MYH15: variants seen among roughly 807,000 people sequenced by gnomAD.
MYH15 encodes myosin-15.
A neutral mutation model predicts 240.5 loss-of-function variants in MYH15; 227 were observed. That is an observed-to-expected ratio of 0.94 (90% CI 0.85 to 1.05). The LOEUF (loss-of-function observed/expected upper bound fraction) is 1.05, where lower values mean the gene tolerates loss of function less well. Among genes scored for constraint, MYH15 ranks in the 50% least tolerant of loss-of-function variants. The pLI is 0.00. For missense variants in MYH15, 2,217 were observed against 2,247.5 expected, an observed-to-expected ratio of 0.99 and a Z score of 0.27; for synonymous variants, 785 against 796.7, an observed-to-expected ratio of 0.99 and a Z score of 0.25.
chr3:108,414,321 G>A lies in MYH15; in HGVS notation c.4056C>T (p.Thr1352=), dbSNP rs773274954. Residue 1352 remains threonine, a synonymous_variant, in exon 30 of 41, where the codon ACC becomes ACT. Transcript: ENST00000693548. ...CCATTTCAGCATTGACTTTGGATAAGGTCCGGTGCAGCTCAGCCTTGACCT... is the reference window on the plus strand; with the variant it reads ...CCATTTCAGCATTGACTTTGGATAAAGTCCGGTGCAGCTCAGCCTTGACCT... ...EQEVKAELHR[T]LSKVNAEMVQ... is the part of the protein sequence containing the mutation. 1.2e-6 allele frequency: 2 copies of A among 1,614,098 alleles called. No individual in the cohort carries two copies. The highest frequency in any genetic ancestry group is 2.2e-5 in the East Asian group (1 of 44,884).
At chr3:108,385,973 C>T (rs367753019) in intron 38 of MYH15, among the ~76,000 whole-genome samples, 2 of 152,106 alleles carry the variant, frequency 1.3e-5, no homozygotes, top group African/African-American at 2.4e-5. Flanking sequence ...TAATTTTAAC[C>T]ATCAGGAGGC....
At chr3:108,407,240 T>C (rs567868266) in intron 32 of MYH15, among the ~76,000 whole-genome samples, 4 of 152,344 alleles carry the variant, frequency 2.6e-5, no homozygotes, top group African/African-American at 9.6e-5. Context: ...TAACAGACAA[T>C]GCTTGGCACA....
Position 108,470,686 on chromosome 3 carries a change from A to G in MYH15, c.1383+12T>C. On this transcript the variant is annotated intron_variant, in intron 13 of 40. Transcript: ENST00000693548. ...AATATGCATTGACTTCCTTCTTACC[A>G]GATACACTTACCTCAAGGATTTCAA... 2 of 1,612,900 alleles carry G rather than the reference A, an allele frequency of 1.2e-6. No homozygotes were observed. Among genetic ancestry groups the G allele is most frequent in the Non-Finnish European group, 8.5e-7 (1 of 1,179,426 alleles).
chr3:108,414,929 T>C (rs1450174731), intron 29 of MYH15, among the ~76,000 whole-genome samples: 1 of 152,204 alleles, frequency 6.6e-6, no homozygotes, highest in Non-Finnish European at 1.5e-5. Context: ...CCAACAGAAC[T>C]TTCTGTAATG....
rs770433799 is a variant in MYH15, at chr3:108,398,856, T to A, written c.4930-16A>T. 6.2e-7 allele frequency: 1 copy of A among 1,612,700 alleles called. No homozygotes were observed. Among genetic ancestry groups the A allele is most frequent in the South Asian group, 1.1e-5 (1 of 91,048 alleles). Reference sequence around the variant, plus strand: ...TTTGAAGGTCCTGGGAGAGAAAAGATGGGTCTGGAGTACAGATCCCTCTGA... The same window carrying A: ...TTTGAAGGTCCTGGGAGAGAAAAGAAGGGTCTGGAGTACAGATCCCTCTGA... On this transcript the variant is annotated splice_polypyrimidine_tract_variant and intron_variant, in intron 34 of 40. Coordinates refer to ENST00000693548, the MANE Select transcript of MYH15 (RefSeq NM_014981.3).
At chr3:108,425,177 G>C (rs887445263) in intron 27 of MYH15, among the ~76,000 whole-genome samples, 1 of 152,198 alleles carries the variant, frequency 6.6e-6, no homozygotes, top group Non-Finnish European at 1.5e-5. Flanking sequence ...GGAAAAGGCA[G>C]ATTGGTGTAA....
At chr3:108,405,681 C>G (rs1412969481) in intron 32 of MYH15, among the ~76,000 whole-genome samples, 1 of 152,126 alleles carries the variant, frequency 6.6e-6, no homozygotes, top group Non-Finnish European at 1.5e-5. Flanking sequence ...AGCTCCAGAA[C>G]TAGAATTTTA....
At chr3:108,469,963 A>C (rs2083157084) in intron 14 of MYH15, 79 bp downstream of exon 14, 1 of 1,398,566 alleles carries the variant, frequency 7.2e-7, no homozygotes, top group Admixed American at 2.5e-5. Flanking sequence ...ATAGGGCCTA[A>C]GTCCTGACAT....
Position 108,462,880 on chromosome 3 carries a change from T to C in MYH15, c.1864+231A>G, listed in dbSNP as rs142542509. 6.6e-3 allele frequency among the ~76,000 whole-genome samples: 1,005 copies of C among 152,224 alleles called. 9 individuals carry two copies. The highest frequency in any genetic ancestry group is 0.019 in the African/African-American group (802 of 41,534). ...GTTTTCCCTTTGTAGCTAGGTGAAG[T>C]AGAAGACAAAAGCAGGCCAGGAACA... On this transcript the variant is annotated intron_variant, in intron 16 of 40. Transcript: ENST00000693548.
chr3:108,512,599 A>C (rs190550061), upstream of MYH15, among the ~76,000 whole-genome samples: 1 of 152,334 alleles, frequency 6.6e-6, no homozygotes, highest in East Asian at 1.9e-4. Flanking sequence ...CTGAGTAGTG[A>C]GAGAAGGAGA....
At chr3:108,548,544 C>A in the MYH15 span, among the ~76,000 whole-genome samples, 168 of 152,164 alleles carry the variant, frequency 1.1e-3, 5 homozygotes, top group East Asian at 0.031. Context: ...GTGACAGAAA[C>A]TATGTTCCAG....
chr3:108,493,368 A>T (rs1349256672), intron 7 of MYH15, among the ~76,000 whole-genome samples, 191 bp from the exon 8 acceptor site: 1 of 152,218 alleles, frequency 6.6e-6, no homozygotes, highest in East Asian at 1.9e-4. Context: ...TTGAGATGAG[A>T]CAGCACCAGC....
chr3:108,470,278 TC>T, intron 13 of MYH15, 66 bp from the exon 14 acceptor site: 1 of 1,189,086 alleles, frequency 8.4e-7, no homozygotes, highest in Non-Finnish European at 1.2e-6. Flanking sequence ...TTCAAGAATG[TC>T]CAGTAAAGAA....
exon 1 of MYH15, chr3:108,529,303 GATC>G: frequency 6.4e-7 from 1 of 1,571,160 alleles, no homozygotes; most frequent in Non-Finnish European, 8.7e-7. Context: ...CAATTAAAAT[GATC>G]ATATGAAGTA....
At chr3:108,547,533 T>A in the MYH15 span, among the ~76,000 whole-genome samples, 1 of 140,148 alleles carries the variant, frequency 7.1e-6, no homozygotes, top group African/African-American at 2.6e-5. Flanking sequence ...GTTCTTGTAG[T>A]TAAAAAAAAA....
At chr3:108,470,274 AAT>A (rs2083161316) in intron 13 of MYH15, 62 bp from the exon 14 acceptor site, 14 of 1,218,206 alleles carry the variant, frequency 1.1e-5, no homozygotes, top group Non-Finnish European at 1.6e-5. Flanking sequence ...CACTTTCAAG[AAT>A]GTCCAGTAAA....
chr3:108,537,063 A>C, the MYH15 span, among the ~76,000 whole-genome samples: 1 of 152,242 alleles, frequency 6.6e-6, no homozygotes, highest in African/African-American at 2.4e-5. Context: ...GGGGAAATTC[A>C]AATTGAGTCA....
intron 29 of MYH15, 87 bp from the exon 30 acceptor site, chr3:108,414,515 G>T: frequency 3.3e-6 from 4 of 1,199,474 alleles, no homozygotes; most frequent in Non-Finnish European, 4.6e-6. Flanking sequence ...TTTTAGGTAA[G>T]ATTAATAACA....
rs202235922 is a variant in MYH15, at chr3:108,463,212, T to G, written c.1763A>C (p.Lys588Thr). 25 of 1,612,560 alleles carry G rather than the reference T, an allele frequency of 1.6e-5. No individual in the cohort carries two copies. The highest frequency in any genetic ancestry group is 1.9e-5 in the Non-Finnish European group (23 of 1,179,514). ...TGTTTCATTAAGGAGGTCTTTGTTC[T>G]TTTCCAGCCAACCACTGATATTATA... ...VPYNISGWLE[K>T]NKDLLNETVV... is the part of the protein sequence containing the mutation. Residue 588 changes from lysine (K) to threonine (T), a missense_variant, in exon 16 of 41, where the codon AAG (lysine) becomes ACG (threonine). Transcript: ENST00000693548.
Sources: gnomAD v4.1 joint callset for allele counts (sites outside exome capture counted in the v4.1 genomes callset) on GRCh38, gnomAD v4.1.1 for gene constraint, MANE v1.5 for transcripts, NCBI Gene and HGNC (gene_info 2026-07-23, HGNC 2026-07-21) for gene names.